Variants in IL1RAPL2 observed in about 807,000 individuals in gnomAD.
The protein encoded by IL1RAPL2 is interleukin 1 receptor accessory protein like 2, also known as X-linked interleukin-1 receptor accessory protein-like 2.
A neutral mutation model predicts 44.1 loss-of-function variants in IL1RAPL2; 3 were observed. The ratio of observed to expected loss-of-function variants is 0.07; its 90% CI spans 0.03 to 0.18. The LOEUF (loss-of-function observed/expected upper bound fraction) is 0.18. Ranked by LOEUF, IL1RAPL2 falls within the 10% of genes least tolerant of loss-of-function variation. The pLI is 1.00. For synonymous variants in IL1RAPL2, 181 were observed against 178.8 expected (o/e 1.01, Z -0.10); for missense variants, 391 against 496.4 (o/e 0.79, Z 2.02).
chrX:105,004,706 A>T (rs187984332), intron 2 of IL1RAPL2, among the ~76,000 whole-genome samples: 18 of 110,862 alleles, frequency 1.6e-4, no homozygotes, highest in African/African-American at 5.9e-4. Context: ...GAACGATGAA[A>T]ATGTTGAGAG....
chrX:104,849,996 C>A (rs1456635478), intron 2 of IL1RAPL2, among the ~76,000 whole-genome samples: 1 of 110,482 alleles, frequency 9.1e-6, no homozygotes, highest in Non-Finnish European at 1.9e-5. Context: ...CACAAAAGAT[C>A]CTATAGGTTT....
chrX:104,583,364 C>A (rs1306558444), intron 1 of IL1RAPL2, among the ~76,000 whole-genome samples: 1 of 111,163 alleles, frequency 9.0e-6, no homozygotes, highest in African/African-American at 3.3e-5. Flanking sequence ...AAAAAGGAAC[C>A]CAATACCAAT....
intron 5 of IL1RAPL2, among the ~76,000 whole-genome samples, chrX:105,455,697 C>T (rs1006581685): frequency 3.6e-5 from 4 of 111,623 alleles, no homozygotes; most frequent in Non-Finnish European, 7.5e-5. Context: ...TTCTTGTACC[C>T]GTACCATCCT....
chrX:104,761,965 TC>T (rs1932463199), intron 2 of IL1RAPL2, among the ~76,000 whole-genome samples: 1 of 97,687 alleles, frequency 1.0e-5, no homozygotes, highest in East Asian at 3.1e-4. Context: ...TTCTTCTTCT[TC>T]TTCTTCTTCT....
At chrX:105,389,517 A>G (rs989513227) in intron 5 of IL1RAPL2, among the ~76,000 whole-genome samples, 2 of 111,928 alleles carry the variant, frequency 1.8e-5, no homozygotes, top group South Asian at 7.4e-4. Context: ...TTTCCTCAGA[A>G]TAATTGTGCT....
At chrX:105,359,945 T>C (rs186890109) in intron 5 of IL1RAPL2, among the ~76,000 whole-genome samples, 32 of 110,908 alleles carry the variant, frequency 2.9e-4, no homozygotes, top group Non-Finnish European at 4.5e-4. Context: ...TTGTCCACGA[T>C]CACATAGCAA....
intron 5 of IL1RAPL2, among the ~76,000 whole-genome samples, chrX:105,341,511 T>A (rs1223714664): frequency 8.9e-6 from 1 of 111,997 alleles, no homozygotes; most frequent in Non-Finnish European, 1.9e-5. Context: ...AACTCTTAAC[T>A]GGCATTTAAA....
intron 2 of IL1RAPL2, among the ~76,000 whole-genome samples, chrX:104,873,281 C>T (rs1309849307): frequency 2.7e-5 from 3 of 111,246 alleles, no homozygotes; most frequent in Admixed American, 9.6e-5. Context: ...CCACATTCGT[C>T]ACTGAGTTAC....
chrX:105,648,369 A>G (rs1407222381), intron 6 of IL1RAPL2, among the ~76,000 whole-genome samples: 5 of 111,843 alleles, frequency 4.5e-5, no homozygotes, highest in African/African-American at 6.5e-5. Flanking sequence ...CTTGCTAGGA[A>G]TATGTCCAGT....
rs1444203776 is a variant in IL1RAPL2 at position 105,012,453 on chromosome X, T to G, written c.83-183022T>G. ...TTTCAGATAAGGGACCATATTCAGA[T>G]GGCCCTCACTTTAAGCAATAATTGA... is the stretch of plus-strand genomic sequence containing the variant. On this transcript the variant is annotated intron_variant, in intron 2 of 10. Transcript: ENST00000372582. 2.7e-5 allele frequency among the ~76,000 whole-genome samples: 3 copies of G among 110,522 alleles called. No individual in the cohort carries two copies. The Admixed American group carries it at 2.9e-4, about 11-fold the overall frequency.
chrX:105,087,340 C>T (rs1206747613), intron 2 of IL1RAPL2, among the ~76,000 whole-genome samples: 2 of 111,782 alleles, frequency 1.8e-5, no homozygotes, highest in Non-Finnish European at 3.8e-5. Flanking sequence ...TCCCCCTCTT[C>T]CATCTTCCCT....
At chrX:105,083,398 A>G (rs1329952440) in intron 2 of IL1RAPL2, among the ~76,000 whole-genome samples, 1 of 111,689 alleles carries the variant, frequency 9.0e-6, no homozygotes, top group African/African-American at 3.3e-5. Context: ...TATCCAGGAG[A>G]ACTTCCCCAA....
intron 2 of IL1RAPL2, among the ~76,000 whole-genome samples, chrX:104,973,214 C>T (rs1363235469): frequency 1.8e-5 from 2 of 111,848 alleles, no homozygotes; most frequent in Non-Finnish European, 3.8e-5. Flanking sequence ...TGATACCTGT[C>T]ATGGCCTGAG....
intron 2 of IL1RAPL2, among the ~76,000 whole-genome samples, chrX:105,170,225 A>G (rs1453929648): frequency 1.8e-5 from 2 of 111,489 alleles, no homozygotes; most frequent in Non-Finnish European, 3.8e-5. Context: ...GGAAAAAAAT[A>G]CAAATGAGCA....
At chrX:104,780,104 G>A (rs1475497841) in intron 2 of IL1RAPL2, among the ~76,000 whole-genome samples, 1 of 111,505 alleles carries the variant, frequency 9.0e-6, no homozygotes, top group East Asian at 2.8e-4. Context: ...TTAATTAGAT[G>A]TAAACTATAG....
At chrX:105,667,829 G>A in intron 6 of IL1RAPL2, among the ~76,000 whole-genome samples, 1 of 111,298 alleles carries the variant, frequency 9.0e-6, no homozygotes, top group African/African-American at 3.3e-5. Flanking sequence ...TACCGTCTCT[G>A]GCTCTGACTA....
chrX:104,654,148 C>T (rs992254254), intron 1 of IL1RAPL2, among the ~76,000 whole-genome samples: 1 of 110,958 alleles, frequency 9.0e-6, no homozygotes, highest in Non-Finnish European at 1.9e-5. Context: ...CAATTCCTTA[C>T]CCTTTTCAGT....
intron 2 of IL1RAPL2, among the ~76,000 whole-genome samples, chrX:104,774,403 G>A (rs1210598831): frequency 9.0e-6 from 1 of 111,632 alleles, no homozygotes; most frequent in East Asian, 2.8e-4. Context: ...AATTGTAGTA[G>A]GGATTTATAG....
intron 6 of IL1RAPL2, among the ~76,000 whole-genome samples, chrX:105,697,564 G>A (rs899810021): frequency 1.8e-5 from 2 of 110,208 alleles, no homozygotes; most frequent in African/African-American, 3.3e-5. Flanking sequence ...GAACTATAGC[G>A]GACATGGTAG....
Sources: allele counts gnomAD v4.1 joint callset (sites outside exome capture counted in the v4.1 genomes callset), GRCh38; gene constraint gnomAD v4.1.1; transcripts MANE v1.5; gene names NCBI Gene and HGNC (gene_info 2026-07-23, HGNC 2026-07-21).